Variants in AFG2A observed in about 807,000 individuals in gnomAD.
AFG2A encodes ATPase family gene 2 protein homolog A.
At chr4:123,274,540 G>A in the AFG2A span, among the ~76,000 whole-genome samples, 1 of 151,216 alleles carries the variant, frequency 6.6e-6, no homozygotes, top group Non-Finnish European at 1.5e-5. Flanking sequence ...TAACAGATTT[G>A]GATCGTTGCT....
At chr4:123,076,665 G>T in the AFG2A span, among the ~76,000 whole-genome samples, 1 of 151,968 alleles carries the variant, frequency 6.6e-6, no homozygotes, top group African/African-American at 2.4e-5. Flanking sequence ...TATATATTCA[G>T]TGACATTTTA....
chr4:123,313,918 C>T, the AFG2A span: 23 of 1,608,016 alleles, frequency 1.4e-5, no homozygotes, highest in Non-Finnish European at 1.7e-5. Context: ...GGCAGCTCTT[C>T]TGGCTCTGGA....
At chr4:123,212,012 G>T in the AFG2A span, among the ~76,000 whole-genome samples, 1 of 151,992 alleles carries the variant, frequency 6.6e-6, no homozygotes, top group Non-Finnish European at 1.5e-5. Flanking sequence ...CAAGATTTTG[G>T]TTTTTACATA....
the AFG2A span, among the ~76,000 whole-genome samples, chr4:123,065,042 A>G: frequency 6.6e-6 from 1 of 152,118 alleles, no homozygotes; most frequent in Admixed American, 6.6e-5. Context: ...TTGAATTTAG[A>G]TATATTGACT....
the AFG2A span, among the ~76,000 whole-genome samples, chr4:123,020,962 T>C: frequency 6.6e-6 from 1 of 152,176 alleles, no homozygotes; most frequent in Non-Finnish European, 1.5e-5. Flanking sequence ...ATTTTTTTCT[T>C]CTACCAGTGT....
the AFG2A span, chr4:123,313,831 A>G: frequency 7.0e-7 from 1 of 1,438,590 alleles, no homozygotes; most frequent in Non-Finnish European, 9.3e-7. Flanking sequence ...TTATGTTTCT[A>G]AAAGAGTACT....
At chr4:123,048,613 G>A in the AFG2A span, among the ~76,000 whole-genome samples, 1 of 151,926 alleles carries the variant, frequency 6.6e-6, no homozygotes, top group African/African-American at 2.4e-5. Context: ...CTAGGTTTTT[G>A]TTTGTTTGTT....
the AFG2A span, among the ~76,000 whole-genome samples, chr4:123,164,994 C>T: frequency 3.3e-5 from 5 of 152,112 alleles, no homozygotes; most frequent in Admixed American, 3.3e-4. Flanking sequence ...TGTTTTCATT[C>T]AAGTTATAGA....
chr4:123,248,049 A>G, the AFG2A span, among the ~76,000 whole-genome samples: 1 of 151,566 alleles, frequency 6.6e-6, no homozygotes, highest in Non-Finnish European at 1.5e-5. Flanking sequence ...ATGCTTCTGT[A>G]TTTTCCTCAC....
chr4:123,003,384 C>A, the AFG2A span, among the ~76,000 whole-genome samples: 1 of 152,288 alleles, frequency 6.6e-6, no homozygotes. Flanking sequence ...AGGCGCTCTG[C>A]TTTTTAGAGT....
At chr4:122,944,001 A>T in the AFG2A span, among the ~76,000 whole-genome samples, 1 of 152,064 alleles carries the variant, frequency 6.6e-6, no homozygotes, top group Admixed American at 6.5e-5. Context: ...CTGCCGAGAG[A>T]TCCGCTGTTA....
the AFG2A span, among the ~76,000 whole-genome samples, chr4:123,277,027 C>T: frequency 1.3e-5 from 2 of 151,886 alleles, no homozygotes; most frequent in Admixed American, 6.6e-5. Flanking sequence ...GAATGTCATT[C>T]GTAATTTGAT....
chr4:123,204,118 G>C, the AFG2A span, among the ~76,000 whole-genome samples: 1 of 152,122 alleles, frequency 6.6e-6, no homozygotes, highest in Non-Finnish European at 1.5e-5. Context: ...TGTTACATAA[G>C]GTAGTTCTGT....
the AFG2A span, among the ~76,000 whole-genome samples, chr4:122,981,416 C>A: frequency 6.8e-6 from 1 of 146,408 alleles, no homozygotes; most frequent in South Asian, 2.1e-4. Flanking sequence ...TCTTGATTAT[C>A]ATAGCTTTGT....
At chr4:123,015,752 T>G in the AFG2A span, among the ~76,000 whole-genome samples, 1 of 145,842 alleles carries the variant, frequency 6.9e-6, no homozygotes, top group Admixed American at 6.8e-5. Flanking sequence ...CACTTCCCAG[T>G]AGGGGCGGCC....
the AFG2A span, among the ~76,000 whole-genome samples, chr4:122,926,602 C>T: frequency 6.6e-6 from 1 of 151,976 alleles, no homozygotes; most frequent in Non-Finnish European, 1.5e-5. Flanking sequence ...GTTTTCCTTT[C>T]CTTGATTTAA....
chr4:123,228,865 G>A, the AFG2A span, among the ~76,000 whole-genome samples: 1 of 152,060 alleles, frequency 6.6e-6, no homozygotes, highest in Admixed American at 6.6e-5. Flanking sequence ...TAAGCTGATT[G>A]GAGGCTATTT....
chr4:123,238,094 C>T, the AFG2A span, among the ~76,000 whole-genome samples: 3 of 152,312 alleles, frequency 2.0e-5, no homozygotes, highest in South Asian at 2.1e-4. Context: ...AGTTTGAGAT[C>T]GACCTGCGAG....
chr4:122,939,075 CTTT>C, the AFG2A span, among the ~76,000 whole-genome samples: 132 of 102,214 alleles, frequency 1.3e-3, 27 homozygotes, highest in Non-Finnish European at 1.9e-3. Context: ...TATGTTCTTT[CTTT>C]TTTTTTTTTT....
Sources: allele counts gnomAD v4.1 joint callset (sites outside exome capture counted in the v4.1 genomes callset), GRCh38; gene constraint gnomAD v4.1.1; transcripts MANE v1.5; gene names NCBI Gene and HGNC (gene_info 2026-07-23, HGNC 2026-07-21).